PHF24: variants seen among roughly 807,000 people sequenced by gnomAD.
PHF24 encodes PHD finger protein 24.
A neutral mutation model predicts 42.6 loss-of-function variants in PHF24; 25 were observed. The observed-to-expected ratio is 0.59, with a 90% CI of 0.43 to 0.82. The LOEUF is 0.82. Ranked by LOEUF, PHF24 falls within the 40% of genes least tolerant of loss-of-function variation. The probability of loss-of-function intolerance (pLI) is 0.00; values close to 1 mark genes in which losing one functional copy is unlikely to be tolerated. For synonymous variants in PHF24, 185 were observed against 204.8 expected, an observed-to-expected ratio of 0.90 and a Z score of 0.83; for missense variants, 470 against 538.1, an observed-to-expected ratio of 0.87 and a Z score of 1.25.
chr9:34,935,507 T>C, the PHF24 span, among the ~76,000 whole-genome samples: 2 of 150,778 alleles, frequency 1.3e-5, no homozygotes, highest in Non-Finnish European at 2.9e-5. Flanking sequence ...GGCAGGAGAA[T>C]TGCTTGAACT....
chr9:34,858,555 A>C, the PHF24 span, among the ~76,000 whole-genome samples: 1 of 152,158 alleles, frequency 6.6e-6, no homozygotes, highest in Non-Finnish European at 1.5e-5. Flanking sequence ...TGAGGATGTA[A>C]GAACCATCCA....
chr9:34,806,905 C>T, the PHF24 span, among the ~76,000 whole-genome samples: 29 of 152,330 alleles, frequency 1.9e-4, no homozygotes, highest in East Asian at 5.6e-3. Context: ...TTGCAGTTTG[C>T]AGCATTGCTG....
the PHF24 span, among the ~76,000 whole-genome samples, chr9:34,705,971 T>C: frequency 2.8e-4 from 43 of 152,328 alleles, no homozygotes; most frequent in Admixed American, 5.9e-4. Flanking sequence ...CTTCTACGTA[T>C]ATCTTAAACA....
the PHF24 span, among the ~76,000 whole-genome samples, chr9:34,906,877 C>G: frequency 6.6e-6 from 1 of 152,184 alleles, no homozygotes; most frequent in Non-Finnish European, 1.5e-5. Context: ...TGGGTGTCAT[C>G]ACCACACCCA....
the PHF24 span, among the ~76,000 whole-genome samples, chr9:34,793,445 A>G: frequency 1.3e-5 from 2 of 152,212 alleles, no homozygotes; most frequent in Middle Eastern, 3.2e-3. Flanking sequence ...AATTAAGCAC[A>G]TCTCACCCAG....
At chr9:34,819,194 A>G in the PHF24 span, among the ~76,000 whole-genome samples, 4 of 151,972 alleles carry the variant, frequency 2.6e-5, no homozygotes, top group Non-Finnish European at 5.9e-5. Context: ...TACTGGATCA[A>G]TCTGACTAGT....
chr9:34,850,758 G>C, the PHF24 span, among the ~76,000 whole-genome samples: 1 of 152,208 alleles, frequency 6.6e-6, no homozygotes, highest in African/African-American at 2.4e-5. Flanking sequence ...TGATGATGGT[G>C]ATGGACAGAT....
chr9:34,920,808 G>C, the PHF24 span, among the ~76,000 whole-genome samples: 3 of 152,068 alleles, frequency 2.0e-5, no homozygotes, highest in Admixed American at 6.5e-5. Flanking sequence ...ATTGTTTGCT[G>C]TTAGCATATA....
upstream of PHF24, among the ~76,000 whole-genome samples, chr9:34,957,853 C>G (rs1826416850): frequency 6.6e-6 from 1 of 151,840 alleles, no homozygotes; most frequent in Non-Finnish European, 1.5e-5. Context: ...CGGCGCGGAA[C>G]GCGAGCGGTG....
chr9:34,795,572 T>C, the PHF24 span, among the ~76,000 whole-genome samples: 17 of 152,182 alleles, frequency 1.1e-4, no homozygotes, highest in African/African-American at 4.1e-4. Flanking sequence ...TTTGCCCTAT[T>C]GAGTTGTTTG....
At chr9:34,698,201 C>G in the PHF24 span, among the ~76,000 whole-genome samples, 86 of 150,364 alleles carry the variant, frequency 5.7e-4, no homozygotes, top group Admixed American at 2.2e-3. Context: ...GCCAGTTTCC[C>G]AGAACTGAAT....
At chr9:34,720,678 G>T in the PHF24 span, among the ~76,000 whole-genome samples, 1 of 151,958 alleles carries the variant, frequency 6.6e-6, no homozygotes, top group African/African-American at 2.4e-5. Flanking sequence ...TAACCTCCCT[G>T]GTCCCTCACC....
the PHF24 span, chr9:34,727,017 G>A: frequency 5.2e-6 from 8 of 1,535,282 alleles, no homozygotes; most frequent in African/African-American, 1.4e-5. Context: ...CAAAATTAAC[G>A]ATGGAGTGAC....
At chr9:34,760,184 A>T in the PHF24 span, among the ~76,000 whole-genome samples, 1 of 152,168 alleles carries the variant, frequency 6.6e-6, no homozygotes, top group African/African-American at 2.4e-5. Flanking sequence ...TTTCTAGAAA[A>T]CTTGCTTTAA....
At chr9:34,677,826 C>T in the PHF24 span, among the ~76,000 whole-genome samples, 1 of 152,184 alleles carries the variant, frequency 6.6e-6, no homozygotes, top group Non-Finnish European at 1.5e-5. Flanking sequence ...CTGTGTCCTA[C>T]CTCTTCTTAT....
At chr9:34,798,710 T>C in the PHF24 span, among the ~76,000 whole-genome samples, 1 of 152,224 alleles carries the variant, frequency 6.6e-6, no homozygotes, top group Non-Finnish European at 1.5e-5. Context: ...GAACAATTCA[T>C]TTTTCTATGG....
the PHF24 span, among the ~76,000 whole-genome samples, chr9:34,702,579 C>T: frequency 6.6e-6 from 1 of 152,224 alleles, no homozygotes. Context: ...AGCTTCTTGA[C>T]ATAGCAATAG....
chr9:34,917,775 C>A, the PHF24 span: 1 of 1,030,528 alleles, frequency 9.7e-7, no homozygotes, highest in Non-Finnish European at 1.6e-6. Flanking sequence ...CATGCCTCCC[C>A]AGTGAGAATT....
At chr9:34,780,298 C>CT in the PHF24 span, among the ~76,000 whole-genome samples, 12,223 of 63,316 alleles carry the variant, frequency 0.19, 1,561 homozygotes, top group East Asian at 0.58. Context: ...TTCTTTTTTT[C>CT]TTTTTTTTTT....
Sources: allele counts gnomAD v4.1 joint callset (sites outside exome capture counted in the v4.1 genomes callset), GRCh38; gene constraint gnomAD v4.1.1; transcripts MANE v1.5; gene names NCBI Gene and HGNC (gene_info 2026-07-23, HGNC 2026-07-21).